THSD7B: variants seen among roughly 807,000 people sequenced by gnomAD.
The protein encoded by THSD7B is thrombospondin type 1 domain containing 7B, also known as thrombospondin type-1 domain-containing protein 7B.
In THSD7B, 138 loss-of-function variants were observed where a neutral mutation model predicts 213.6. That is an observed-to-expected ratio of 0.65 (90% CI 0.56 to 0.74). The LOEUF (loss-of-function observed/expected upper bound fraction) is 0.74. THSD7B is among the 30% of genes least tolerant of loss of function. The pLI, the probability that THSD7B is intolerant of heterozygous loss-of-function variation, is 0.00. For synonymous variants in THSD7B, 742 were observed against 687.0 expected, an observed-to-expected ratio of 1.08 and a Z score of -1.25; for missense variants, 1,931 against 1,991.5, an observed-to-expected ratio of 0.97 and a Z score of 0.58.
intron 12 of THSD7B, among the ~76,000 whole-genome samples, chr2:137,386,590 A>C (rs11681735): frequency 6.6e-6 from 1 of 152,190 alleles, no homozygotes; most frequent in African/African-American, 2.4e-5. Flanking sequence ...AACTTCAGGA[A>C]AGTAATTTCA....
intron 2 of THSD7B, among the ~76,000 whole-genome samples, chr2:136,957,360 G>T (rs183095571): frequency 5.4e-4 from 82 of 152,122 alleles, no homozygotes; most frequent in Admixed American, 4.6e-3. Flanking sequence ...AGGGAGAGGA[G>T]GTCCTGAGGG....
chr2:137,383,638 T>C (rs562557765), intron 12 of THSD7B, among the ~76,000 whole-genome samples: 49 of 152,338 alleles, frequency 3.2e-4, no homozygotes, highest in African/African-American at 1.2e-3. Flanking sequence ...CATGAGCTTG[T>C]GCTTGGCTCA....
At position 137,424,725 on chromosome 2, in the gene THSD7B, C is replaced by G. The variant is rs7557470; in HGVS notation, c.2959+12853C>G. ...CAATAAATTGCATAGAGTTGGCTCT[C>G]CATATTTAAAGGTTCTGCATTAGTG... On this transcript the variant is annotated intron_variant, in intron 14 of 27. Coordinates refer to ENST00000409968, the MANE Select transcript of THSD7B (RefSeq NM_001316349.2). Among the ~76,000 whole-genome samples the G allele has an allele frequency of 5.9e-3, 894 of 152,206 alleles. 7 individuals are homozygous for G. Among genetic ancestry groups the G allele is most frequent in the African/African-American group, 0.02 (847 of 41,534 alleles).
At chr2:137,647,421 T>TTCTCTCTCTCTC (rs60400076) in intron 21 of THSD7B, among the ~76,000 whole-genome samples, 1 of 84,514 alleles carries the variant, frequency 1.2e-5, no homozygotes, top group African/African-American at 4.5e-5. Flanking sequence ...CTCTGTCTCT[T>TTCTCTCTCTCTC]TCTCTCTCTC....
intron 2 of THSD7B, among the ~76,000 whole-genome samples, chr2:137,011,224 G>A (rs951223727): frequency 6.6e-6 from 1 of 152,092 alleles, no homozygotes; most frequent in African/African-American, 2.4e-5. Flanking sequence ...CAGCTACTCT[G>A]CACTTGAGGC....
rs558756592 is a variant in THSD7B, at chr2:137,560,369, A to T, written c.3139-2852A>T. Among the ~76,000 whole-genome samples the T allele has an allele frequency of 9.2e-5, 14 of 152,348 alleles. No individual in the cohort carries two copies. In the East Asian group the frequency reaches 2.3e-3, roughly 25 times the overall value. The stretch of plus-strand genomic sequence containing the variant: ...AAATGTGGCACATATACACCATGGA[A>T]TACTATGCAGCCATAAAATATGATG... On this transcript the variant is annotated intron_variant, in intron 15 of 27. Coordinates refer to ENST00000409968, the MANE Select transcript of THSD7B (RefSeq NM_001316349.2).
chr2:137,572,640 C>A, intron 17 of THSD7B, 84 bp downstream of exon 17: 1 of 1,413,574 alleles, frequency 7.1e-7, no homozygotes, highest in Non-Finnish European at 9.6e-7. Flanking sequence ...TGCTAGTCTC[C>A]AAAGCATTCT....
intron 2 of THSD7B, among the ~76,000 whole-genome samples, chr2:136,949,092 T>C (rs1489227138): frequency 6.6e-6 from 1 of 152,180 alleles, no homozygotes; most frequent in Non-Finnish European, 1.5e-5. Context: ...TTAGTTTGAA[T>C]GGCCTTTTGG....
At chr2:136,871,913 T>C (rs560060395) in intron 1 of THSD7B, among the ~76,000 whole-genome samples, 18 of 152,216 alleles carry the variant, frequency 1.2e-4, no homozygotes, top group African/African-American at 4.3e-4. Context: ...ACATGAAAAA[T>C]GACAACAGAT....
At chr2:137,074,591 A>C (rs925378412) in intron 3 of THSD7B, among the ~76,000 whole-genome samples, 2 of 152,062 alleles carry the variant, frequency 1.3e-5, no homozygotes, top group African/African-American at 4.8e-5. Flanking sequence ...TTACATTTAA[A>C]GTTAATATTG....
chr2:137,108,528 C>G (rs1362155964), intron 4 of THSD7B, among the ~76,000 whole-genome samples: 1 of 152,102 alleles, frequency 6.6e-6, no homozygotes, highest in Non-Finnish European at 1.5e-5. Context: ...ATCAGGAAGT[C>G]AAGCCAGCCA....
At chr2:137,039,245 C>T (rs929401805) in intron 2 of THSD7B, among the ~76,000 whole-genome samples, 1 of 152,128 alleles carries the variant, frequency 6.6e-6, no homozygotes, top group Non-Finnish European at 1.5e-5. Context: ...TGCTGAGATC[C>T]TGGATAGGTA....
At chr2:137,090,114 A>G (rs940593005) in intron 3 of THSD7B, among the ~76,000 whole-genome samples, 2 of 152,008 alleles carry the variant, frequency 1.3e-5, no homozygotes, top group Non-Finnish European at 2.9e-5. Context: ...ATAAAAATTT[A>G]AAAAATATAT....
intron 15 of THSD7B, among the ~76,000 whole-genome samples, chr2:137,532,169 C>A (rs1182768653): frequency 6.6e-6 from 1 of 151,886 alleles, no homozygotes; most frequent in African/African-American, 2.4e-5. Context: ...ACATGCCTTG[C>A]AATTACTTTA....
At chr2:137,143,808 A>G (rs1219895790) in intron 5 of THSD7B, among the ~76,000 whole-genome samples, 1 of 152,078 alleles carries the variant, frequency 6.6e-6, no homozygotes, top group East Asian at 1.9e-4. Context: ...GACCACAAGA[A>G]TCTGTTACTT....
intron 1 of THSD7B, among the ~76,000 whole-genome samples, chr2:136,768,543 C>A (rs1431224425): frequency 1.3e-5 from 2 of 151,998 alleles, no homozygotes; most frequent in Non-Finnish European, 2.9e-5. Context: ...GTGAAAATGA[C>A]AAATGATACA....
intron 10 of THSD7B, among the ~76,000 whole-genome samples, chr2:137,265,006 T>G (rs1174715753): frequency 6.6e-6 from 1 of 151,176 alleles, no homozygotes; most frequent in African/African-American, 2.4e-5. Flanking sequence ...GTCCCCAGAG[T>G]GTGATGTTCC....
intron 2 of THSD7B, among the ~76,000 whole-genome samples, chr2:136,983,497 A>C (rs1033236986): frequency 7.8e-6 from 1 of 127,490 alleles, no homozygotes; most frequent in Non-Finnish European, 1.6e-5. Context: ...AACCCAGTAA[A>C]ATCTGTTTTT....
intron 7 of THSD7B, among the ~76,000 whole-genome samples, chr2:137,195,311 T>C (rs994613401): frequency 5.3e-5 from 8 of 152,042 alleles, no homozygotes; most frequent in Non-Finnish European, 1.5e-5. Flanking sequence ...TTTCAGCTTC[T>C]TTATTGAGAG....
Sources: allele counts gnomAD v4.1 joint callset (sites outside exome capture counted in the v4.1 genomes callset), GRCh38; gene constraint gnomAD v4.1.1; transcripts MANE v1.5; gene names NCBI Gene and HGNC (gene_info 2026-07-23, HGNC 2026-07-21).